TRPS1: variants seen among roughly 807,000 people sequenced by gnomAD.
The protein encoded by TRPS1 is zinc finger transcription factor Trps1.
TRPS1 carries 6 observed loss-of-function variants against 101.2 expected under a neutral mutation model. That is an observed-to-expected ratio of 0.06 (90% CI 0.03 to 0.12). The LOEUF (loss-of-function observed/expected upper bound fraction) is 0.12, where lower values mean the gene tolerates loss of function less well. Among genes scored for constraint, TRPS1 ranks in the 10% least tolerant of loss-of-function variants. TRPS1 has a pLI of 1.00. For synonymous variants in TRPS1, 578 were observed against 589.8 expected, an observed-to-expected ratio of 0.98 and a Z score of 0.29; for missense variants, 1,363 against 1,567.0, an observed-to-expected ratio of 0.87 and a Z score of 2.20.
intron 5 of TRPS1, among the ~76,000 whole-genome samples, chr8:115,495,382 C>T (rs1464369751): frequency 6.6e-6 from 1 of 151,656 alleles, no homozygotes; most frequent in African/African-American, 2.4e-5. Context: ...TTATTTACTT[C>T]TGTGCTGAAA....
In TRPS1 at chr8:115,519,565, T is replaced by C. The variant is rs549878856; in HGVS notation, c.2700+67436A>G. On this transcript the variant is annotated intron_variant, in intron 5 of 6. Transcript: ENST00000395715. ...TTTAAATTATATATATTTTGTTTTT[T>C]TCCAGTGTATTTAGTACACAATAGA... Among the ~76,000 whole-genome samples the C allele has an allele frequency of 2.6e-5, 4 of 151,636 alleles. 1 individual carries two copies. In the South Asian group the frequency reaches 8.3e-4, roughly 31 times the overall value.
intron 5 of TRPS1, among the ~76,000 whole-genome samples, chr8:115,453,323 T>G (rs1314306966): frequency 2.0e-5 from 3 of 152,076 alleles, no homozygotes; most frequent in Non-Finnish European, 4.4e-5. Flanking sequence ...CCAGCCCATC[T>G]CCAATATTTT....
rs78618807 is a variant in TRPS1, at chr8:115,464,642, T to G, written c.2701-46190A>C. ...ATAAAATGTTGAAACATGTTTTCCT[T>G]TTGTTTTACTTTACTCATTTTTGTA... On this transcript the variant is annotated intron_variant, in intron 5 of 6. Transcript: ENST00000395715. Among the ~76,000 whole-genome samples the G allele has an allele frequency of 2.4e-4, 37 of 152,276 alleles. No homozygotes were observed. In the East Asian group the frequency reaches 6.7e-3, roughly 28 times the overall value.
intron 5 of TRPS1, among the ~76,000 whole-genome samples, chr8:115,544,899 T>C (rs991146110): frequency 6.6e-6 from 1 of 151,802 alleles, no homozygotes; most frequent in Non-Finnish European, 1.5e-5. Flanking sequence ...AAAAGCAAGA[T>C]ATAACTTTTT....
intron 5 of TRPS1, among the ~76,000 whole-genome samples, chr8:115,474,342 TA>T (rs964065492): frequency 3.9e-5 from 6 of 151,908 alleles, no homozygotes; most frequent in East Asian, 1.9e-4. Flanking sequence ...TTTAGGACTA[TA>T]AAAAAAATTC....
At chr8:115,563,479 C>T (rs1816996099) in intron 5 of TRPS1, among the ~76,000 whole-genome samples, 1 of 152,124 alleles carries the variant, frequency 6.6e-6, no homozygotes, top group Non-Finnish European at 1.5e-5. Context: ...CTGCTAATCA[C>T]TAAACCGATG....
intron 5 of TRPS1, among the ~76,000 whole-genome samples, chr8:115,495,923 G>A (rs1339994009): frequency 6.6e-6 from 1 of 152,040 alleles, no homozygotes; most frequent in Non-Finnish European, 1.5e-5. Flanking sequence ...CTTCAAAAAG[G>A]GTGTATCTGG....
chr8:115,529,833 T>G (rs1263780386), intron 5 of TRPS1, among the ~76,000 whole-genome samples: 2 of 152,134 alleles, frequency 1.3e-5, no homozygotes, highest in African/African-American at 4.8e-5. Context: ...TAAACCAGCA[T>G]GTAGAAAGCA....
chr8:115,431,494 T>C (rs1016571299), intron 5 of TRPS1, among the ~76,000 whole-genome samples: 2 of 152,020 alleles, frequency 1.3e-5, no homozygotes, highest in African/African-American at 4.8e-5. Flanking sequence ...TTTCCTATTC[T>C]CTCCTTTTGA....
intron 5 of TRPS1, among the ~76,000 whole-genome samples, chr8:115,420,000 T>C (rs1227224003): frequency 6.6e-6 from 1 of 152,144 alleles, no homozygotes; most frequent in Non-Finnish European, 1.5e-5. Context: ...CTTAACAAGA[T>C]TGGGGGAATG....
At chr8:115,558,354 T>C (rs745714050) in intron 5 of TRPS1, among the ~76,000 whole-genome samples, 2 of 152,142 alleles carry the variant, frequency 1.3e-5, no homozygotes, top group Non-Finnish European at 2.9e-5. Context: ...TTCCAGATGA[T>C]TATAAATGAA....
intron 5 of TRPS1, among the ~76,000 whole-genome samples, chr8:115,485,042 T>C (rs750172184): frequency 2.6e-5 from 4 of 152,204 alleles, no homozygotes; most frequent in South Asian, 2.1e-4. Context: ...TGAAGGGCTT[T>C]GACAGATGAA....
chr8:115,533,451 TTTTTTTTTC>T lies in TRPS1; in HGVS notation c.2700+53541_2700+53549del, dbSNP rs201717355. ...CATGTAATCTGTTTTTTTTTTTTTT[TTTTTTTTTC>T]CTGAAAAAAATCATGAGTGAGTTAA... On this transcript the variant is annotated intron_variant, in intron 5 of 6. Transcript: ENST00000395715. Among the ~76,000 whole-genome samples the T allele has an allele frequency of 4.2e-3, 571 of 134,584 alleles. 58 individuals are homozygous for T. The South Asian group carries it at 0.042, about 10-fold the overall frequency. 88.3% of individuals were successfully genotyped at this position (134,584 alleles called of 152,430 possible).
At chr8:115,437,028 G>C (rs1241531552) in intron 5 of TRPS1, among the ~76,000 whole-genome samples, 2 of 152,122 alleles carry the variant, frequency 1.3e-5, no homozygotes, top group East Asian at 1.9e-4. Context: ...TTTATAAGTA[G>C]AGCATTGGAT....
intron 3 of TRPS1, among the ~76,000 whole-genome samples, chr8:115,605,251 T>C (rs1235289759): frequency 6.6e-6 from 1 of 152,186 alleles, no homozygotes; most frequent in Non-Finnish European, 1.5e-5. Context: ...AAGTAATAAA[T>C]GCACTATAAT....
Position 115,623,687 on chromosome 8 carries a change from A to T in TRPS1, c.-50T>A, listed in dbSNP as rs1485714898. The T allele has an allele frequency of 6.9e-6, 11 of 1,600,734 alleles. No homozygotes were observed. The highest frequency in any genetic ancestry group is 9.4e-6 in the Non-Finnish European group (11 of 1,172,708). On this transcript the variant is annotated 5_prime_UTR_variant, in exon 2 of 7. Transcript: ENST00000395715. ...TTATTAATTCTATTAGTCAACTAGC[A>T]GGAGGCTAATGCAATTGTCTTAGAA...
At chr8:115,646,277 G>A (rs1819023250) in intron 1 of TRPS1, among the ~76,000 whole-genome samples, 1 of 152,096 alleles carries the variant, frequency 6.6e-6, no homozygotes, top group Non-Finnish European at 1.5e-5. Flanking sequence ...GCATTCTAGA[G>A]AAATTATAGA....
chr8:115,496,104 T>G (rs926286236), intron 5 of TRPS1, among the ~76,000 whole-genome samples: 1 of 152,146 alleles, frequency 6.6e-6, no homozygotes, highest in African/African-American at 2.4e-5. Context: ...CTACAACATG[T>G]CAAATCCTGT....
intron 5 of TRPS1, among the ~76,000 whole-genome samples, chr8:115,534,988 T>C (rs1328262214): frequency 1.3e-5 from 2 of 149,692 alleles, no homozygotes; most frequent in African/African-American, 4.9e-5. Context: ...ACACTTGGCA[T>C]ATAAATATAT....
Sources: allele counts gnomAD v4.1 joint callset (sites outside exome capture counted in the v4.1 genomes callset), GRCh38; gene constraint gnomAD v4.1.1; transcripts MANE v1.5; gene names NCBI Gene and HGNC (gene_info 2026-07-23, HGNC 2026-07-21).